EYS: variants seen among roughly 807,000 people sequenced by gnomAD.
EYS encodes protein eyes shut homolog.
A neutral mutation model predicts 282.1 loss-of-function variants in EYS; 250 were observed. The ratio of observed to expected loss-of-function variants is 0.89; its 90% CI spans 0.80 to 0.98. The LOEUF is 0.98. EYS is among the 50% of genes least tolerant of loss of function. The pLI, the probability that EYS is intolerant of heterozygous loss-of-function variation, is 0.00. For synonymous variants in EYS, 1,355 were observed against 1,282.9 expected (o/e 1.06, Z -1.20); for missense variants, 4,016 against 3,709.0 (o/e 1.08, Z -2.15).
intron 5 of EYS, among the ~76,000 whole-genome samples, chr6:65,407,992 T>C (rs1766827747): frequency 6.6e-6 from 1 of 152,092 alleles, no homozygotes; most frequent in Non-Finnish European, 1.5e-5. Flanking sequence ...AGAGTTTTTA[T>C]AATGAATAGG....
chr6:65,656,265 G>T (rs12195278), intron 1 of EYS, among the ~76,000 whole-genome samples: 53,561 of 151,706 alleles, frequency 0.35, 11,949 homozygotes, highest in Non-Finnish European at 0.49. Context: ...TCAAGTGAAA[G>T]GAAGAGTAGC....
intron 12 of EYS, among the ~76,000 whole-genome samples, chr6:65,283,411 ATT>A: frequency 6.6e-6 from 1 of 152,108 alleles, no homozygotes. Flanking sequence ...TTTGATTATT[ATT>A]TGTTAGCATT....
chr6:63,720,855 T>C lies in EYS; in HGVS notation c.9176A>G (p.Tyr3059Cys), dbSNP rs1404877416. Reference sequence around the variant, plus strand: ...GGAAAGAATTAGACTGTTATTTATGTAGGCCTTGATAAGAGTCTGATTTTG... The same window carrying C: ...GGAAAGAATTAGACTGTTATTTATGCAGGCCTTGATAAGAGTCTGATTTTG... ...VIQNQTLIKA[Y>C]INNSLILSED... Residue 3059 changes from tyrosine (Y) to cysteine (C), a missense_variant, in exon 43 of 43, where the codon TAC (tyrosine) becomes TGC (cysteine). Coordinates refer to ENST00000503581, the MANE Select transcript of EYS (RefSeq NM_001142800.2). The C allele has an allele frequency of 1.9e-6, 3 of 1,551,190 alleles. No individual in the cohort carries two copies. The highest frequency in any genetic ancestry group is 2.6e-6 in the Non-Finnish European group (3 of 1,146,606).
intron 31 of EYS, among the ~76,000 whole-genome samples, chr6:64,094,028 T>G (rs557146417): frequency 2.0e-5 from 3 of 152,170 alleles, no homozygotes; most frequent in Admixed American, 6.5e-5. Context: ...GGTTTTTGTC[T>G]TTGGTTCTGT....
chr6:64,867,583 A>G (rs1425695245), intron 19 of EYS, among the ~76,000 whole-genome samples: 1 of 151,682 alleles, frequency 6.6e-6, no homozygotes, highest in Non-Finnish European at 1.5e-5. Context: ...AGTTCTCTAT[A>G]GATGCTTATC....
intron 22 of EYS, among the ~76,000 whole-genome samples, chr6:64,632,379 A>G (rs1276312868): frequency 6.6e-6 from 1 of 151,510 alleles, no homozygotes; most frequent in East Asian, 1.9e-4. Flanking sequence ...CATGAATAGG[A>G]AGCCTCCAGT....
intron 31 of EYS, among the ~76,000 whole-genome samples, chr6:64,168,418 C>T (rs9359786): frequency 0.25 from 38,132 of 151,970 alleles, 5,115 homozygotes; most frequent in East Asian, 0.44. Context: ...CGTAAGTTTA[C>T]AATACAAACC....
intron 6 of EYS, among the ~76,000 whole-genome samples, chr6:65,403,159 A>C (rs1766583321): frequency 6.6e-6 from 1 of 152,120 alleles, no homozygotes; most frequent in Non-Finnish European, 1.5e-5. Context: ...GTCAGCTCAC[A>C]GTACCATAAG....
chr6:65,406,572 C>T (rs2150366510), intron 5 of EYS, among the ~76,000 whole-genome samples: 1 of 152,082 alleles, frequency 6.6e-6, no homozygotes, highest in East Asian at 1.9e-4. Context: ...GATTCCTAAT[C>T]CATTTGAGTT....
chr6:64,882,153 A>G (rs977586234), intron 19 of EYS, among the ~76,000 whole-genome samples: 1 of 151,790 alleles, frequency 6.6e-6, no homozygotes, highest in African/African-American at 2.4e-5. Flanking sequence ...ACCAGTACAC[A>G]GTACCCAAAT....
intron 22 of EYS, among the ~76,000 whole-genome samples, chr6:64,740,164 A>G (rs1327839151): frequency 4.6e-5 from 7 of 152,232 alleles, no homozygotes; most frequent in Admixed American, 4.6e-4. Context: ...TCCTCATCAG[A>G]ACCCCCAGCA....
At chr6:64,310,994 G>A (rs1404754295) in intron 29 of EYS, among the ~76,000 whole-genome samples, 1 of 151,904 alleles carries the variant, frequency 6.6e-6, no homozygotes, top group African/African-American at 2.4e-5. Context: ...TTTTATAATG[G>A]TGATAGTTGA....
intron 19 of EYS, among the ~76,000 whole-genome samples, chr6:64,880,612 A>T (rs1766883790): frequency 6.6e-6 from 1 of 151,472 alleles, no homozygotes; most frequent in Non-Finnish European, 1.5e-5. Flanking sequence ...TTAATGTTCC[A>T]TTTAAATTCA....
intron 12 of EYS, among the ~76,000 whole-genome samples, chr6:65,109,320 T>C (rs1775137290): frequency 1.3e-5 from 2 of 152,094 alleles, no homozygotes; most frequent in Non-Finnish European, 2.9e-5. Flanking sequence ...CATTATATTA[T>C]AGCTATTATA....
At chr6:64,405,110 A>G (rs1280918050) in intron 28 of EYS, among the ~76,000 whole-genome samples, 2 of 152,134 alleles carry the variant, frequency 1.3e-5, no homozygotes, top group Non-Finnish European at 2.9e-5. Flanking sequence ...CCCAGCATGC[A>G]TTAGCTATTT....
In EYS at chr6:64,949,382, A is replaced by G. The variant is rs9294632; in HGVS notation, c.2260-3468T>C. Among the ~76,000 whole-genome samples the G allele has an allele frequency of 2.5e-3, 386 of 151,840 alleles. 1 individual carries two copies. Among genetic ancestry groups the G allele is most frequent in the African/African-American group, 8.9e-3 (370 of 41,472 alleles). On this transcript the variant is annotated intron_variant, in intron 14 of 42. Coordinates refer to ENST00000503581, the MANE Select transcript of EYS (RefSeq NM_001142800.2). ...ATTTCATTCTGCCTCTAGGACTCAGATCTCATTTTCTTGCTAGCTACCAGG... is the reference window on the plus strand; with the variant it reads ...ATTTCATTCTGCCTCTAGGACTCAGGTCTCATTTTCTTGCTAGCTACCAGG...
intron 13 of EYS, among the ~76,000 whole-genome samples, chr6:65,049,907 TATA>T (rs1207636474): frequency 4.6e-5 from 7 of 151,774 alleles, no homozygotes; most frequent in Admixed American, 3.3e-4. Flanking sequence ...GATAAAACCA[TATA>T]ATATGTTTAT....
At chr6:64,403,990 C>T (rs755906260) in intron 28 of EYS, among the ~76,000 whole-genome samples, 15 of 152,142 alleles carry the variant, frequency 9.9e-5, no homozygotes, top group Non-Finnish European at 1.8e-4. Flanking sequence ...TAGGGCTTAC[C>T]TTGAAAGTGT....
chr6:64,787,353 T>G (rs1774055734), intron 22 of EYS, among the ~76,000 whole-genome samples: 1 of 152,194 alleles, frequency 6.6e-6, no homozygotes, highest in African/African-American at 2.4e-5. Flanking sequence ...GGAAAGACAT[T>G]TTTCCTAAAG....
Sources: allele counts gnomAD v4.1 joint callset (sites outside exome capture counted in the v4.1 genomes callset), GRCh38; gene constraint gnomAD v4.1.1; transcripts MANE v1.5; gene names NCBI Gene and HGNC (gene_info 2026-07-23, HGNC 2026-07-21).